The following PTPRK variants were observed in gnomAD, a reference collection of about 807,000 sequenced individuals.
PTPRK encodes receptor-type tyrosine-protein phosphatase kappa.
In PTPRK, 75 loss-of-function variants were observed where a neutral mutation model predicts 178.0. That is an observed-to-expected ratio of 0.42 (90% CI 0.35 to 0.51). The LOEUF (loss-of-function observed/expected upper bound fraction) is 0.51. PTPRK is among the 20% of genes least tolerant of loss of function. PTPRK has a pLI of 0.02. For missense variants in PTPRK, 1,441 were observed against 1,797.8 expected, an observed-to-expected ratio of 0.80 and a Z score of 3.59; for synonymous variants, 637 against 620.6, an observed-to-expected ratio of 1.03 and a Z score of -0.39.
intron 1 of PTPRK, among the ~76,000 whole-genome samples, chr6:128,463,078 G>A (rs1849290142): frequency 6.6e-6 from 1 of 151,934 alleles, no homozygotes; most frequent in Non-Finnish European, 1.5e-5. Context: ...GGTTATCAAG[G>A]GGACTATAAA....
At chr6:128,462,035 C>G (rs1849113570) in intron 1 of PTPRK, among the ~76,000 whole-genome samples, 1 of 151,902 alleles carries the variant, frequency 6.6e-6, no homozygotes, top group Non-Finnish European at 1.5e-5. Flanking sequence ...TGCGATGTTG[C>G]CCAGGCTATA....
intron 23 of PTPRK, 72 bp from the exon 24 acceptor site, chr6:127,983,052 T>C (rs2114635278): frequency 6.8e-7 from 1 of 1,472,402 alleles, no homozygotes; most frequent in East Asian, 2.3e-5. Context: ...AGTTAGGAAA[T>C]ACAGAAAATT....
chr6:128,210,154 AGT>A (rs1807835462), intron 6 of PTPRK, among the ~76,000 whole-genome samples: 1 of 152,232 alleles, frequency 6.6e-6, no homozygotes, highest in East Asian at 1.9e-4. Context: ...AATAAAGAAA[AGT>A]GTGGGGCATT....
intron 1 of PTPRK, among the ~76,000 whole-genome samples, chr6:128,415,893 G>A (rs1842797030): frequency 6.6e-6 from 1 of 152,064 alleles, no homozygotes; most frequent in Non-Finnish European, 1.5e-5. Flanking sequence ...TAAAAATGGT[G>A]GTTGTGCTAA....
chr6:128,370,866 C>A (rs566711983), intron 2 of PTPRK, among the ~76,000 whole-genome samples: 1 of 152,192 alleles, frequency 6.6e-6, no homozygotes, highest in South Asian at 2.1e-4. Context: ...TATTTGGTTC[C>A]AAGCAATAGC....
intron 7 of PTPRK, among the ~76,000 whole-genome samples, chr6:128,159,156 C>A (rs1798338370): frequency 6.6e-6 from 1 of 151,570 alleles, no homozygotes; most frequent in African/African-American, 2.4e-5. Context: ...TATAAAACAA[C>A]AACAACAAAA....
At chr6:128,333,476 AT>A (rs1168815368) in intron 2 of PTPRK, among the ~76,000 whole-genome samples, 1 of 152,156 alleles carries the variant, frequency 6.6e-6, no homozygotes, top group East Asian at 1.9e-4. Context: ...GTGCAATAGC[AT>A]CATGTCTAAA....
At chr6:128,516,596 GACA>G (rs1418733351) in intron 1 of PTPRK, among the ~76,000 whole-genome samples, 3 of 152,146 alleles carry the variant, frequency 2.0e-5, no homozygotes, top group Non-Finnish European at 2.9e-5. Flanking sequence ...CACCTAAAGA[GACA>G]ACAAGGAGTC....
intron 1 of PTPRK, among the ~76,000 whole-genome samples, chr6:128,400,911 A>C (rs1422720570): frequency 1.3e-5 from 2 of 152,194 alleles, no homozygotes; most frequent in Non-Finnish European, 2.9e-5. Flanking sequence ...GGTAATACCA[A>C]ACTGGTGTTC....
At chr6:128,483,432 CA>C (rs1379288610) in intron 1 of PTPRK, among the ~76,000 whole-genome samples, 5 of 152,040 alleles carry the variant, frequency 3.3e-5, no homozygotes, top group Admixed American at 2.6e-4. Flanking sequence ...TAATTTAATT[CA>C]AAAATAATAT....
In PTPRK at chr6:128,235,210, T is replaced by C. The variant is rs73590688; in HGVS notation, c.693+4825A>G. 9.2e-3 allele frequency among the ~76,000 whole-genome samples: 1,395 copies of C among 152,250 alleles called. 17 individuals carry two copies. The highest frequency in any genetic ancestry group is 0.032 in the African/African-American group (1,314 of 41,566). On this transcript the variant is annotated intron_variant, in intron 5 of 29. Coordinates refer to ENST00000368226, the MANE Select transcript of PTPRK (RefSeq NM_002844.4). ...CAAGAATATTAAAAACATGCAAATA[T>C]TGAAATATTTGAATATTTTTTAAAA... is the stretch of plus-strand genomic sequence containing the variant.
chr6:128,340,575 C>A (rs1053837848), intron 2 of PTPRK, among the ~76,000 whole-genome samples: 3 of 152,170 alleles, frequency 2.0e-5, no homozygotes, highest in African/African-American at 7.2e-5. Flanking sequence ...TTCTCACAGA[C>A]CTCAGTGTTA....
At chr6:128,378,186 T>C (rs1037567478) in intron 2 of PTPRK, among the ~76,000 whole-genome samples, 4 of 152,132 alleles carry the variant, frequency 2.6e-5, no homozygotes, top group African/African-American at 9.6e-5. Context: ...AAAACAAATA[T>C]AATTAAGTAA....
At chr6:128,031,659 C>T (rs1325192333) in intron 13 of PTPRK, among the ~76,000 whole-genome samples, 1 of 152,178 alleles carries the variant, frequency 6.6e-6, no homozygotes, top group Non-Finnish European at 1.5e-5. Context: ...CAGCTATGCT[C>T]CTTTCCCCTA....
At chr6:128,410,510 T>G (rs760679953) in intron 1 of PTPRK, among the ~76,000 whole-genome samples, 3 of 152,258 alleles carry the variant, frequency 2.0e-5, no homozygotes, top group Non-Finnish European at 4.4e-5. Flanking sequence ...AACATAGTCA[T>G]GTTTTCAAGA....
intron 5 of PTPRK, among the ~76,000 whole-genome samples, chr6:128,229,447 T>G (rs1811935830): frequency 6.6e-6 from 1 of 152,314 alleles, no homozygotes; most frequent in African/African-American, 2.4e-5. Flanking sequence ...TATATGTGTA[T>G]GTATTTTTTA....
intron 25 of PTPRK, 58 bp from the exon 26 acceptor site, chr6:127,977,112 TACAA>T (rs1774693333): frequency 3.3e-6 from 5 of 1,516,260 alleles, no homozygotes; most frequent in Non-Finnish European, 4.6e-6. Flanking sequence ...TGATCGGTTG[TACAA>T]ACAGATACAA....
intron 2 of PTPRK, among the ~76,000 whole-genome samples, chr6:128,323,457 G>GT (rs1351381802): frequency 1.3e-5 from 2 of 152,118 alleles, no homozygotes; most frequent in Admixed American, 1.3e-4. Context: ...AAAACTCAGT[G>GT]TTATAAGAGT....
At chr6:128,060,691 TATAGAC>T (rs1780656424) in intron 13 of PTPRK, among the ~76,000 whole-genome samples, 1 of 152,180 alleles carries the variant, frequency 6.6e-6, no homozygotes, top group South Asian at 2.1e-4. Flanking sequence ...ATAAAACTGA[TATAGAC>T]ACAGACTAGG....
Sources: allele counts gnomAD v4.1 joint callset (sites outside exome capture counted in the v4.1 genomes callset), GRCh38; gene constraint gnomAD v4.1.1; transcripts MANE v1.5; gene names NCBI Gene and HGNC (gene_info 2026-07-23, HGNC 2026-07-21).